Variants in ABCB5 observed in about 807,000 individuals in gnomAD.
The protein encoded by ABCB5 is ATP binding cassette subfamily B member 5.
In ABCB5, 155 loss-of-function variants were observed where a neutral mutation model predicts 144.2. That is an observed-to-expected ratio of 1.08 (90% CI 0.94 to 1.23). The LOEUF (loss-of-function observed/expected upper bound fraction) is 1.23. ABCB5 is among the 50% of genes most tolerant of loss of function. The pLI is 0.00. For missense variants in ABCB5, 1,830 were observed against 1,520.8 expected (o/e 1.20, Z -3.38); for synonymous variants, 610 against 528.6 (o/e 1.15, Z -2.11).
At chr7:20,673,013 T>C (rs1785498105) in intron 14 of ABCB5, among the ~76,000 whole-genome samples, 1 of 152,190 alleles carries the variant, frequency 6.6e-6, no homozygotes. Flanking sequence ...TTTTCTTGTT[T>C]CTTAAGTTAC....
At chr7:20,656,749 G>A (rs141452760) in intron 13 of ABCB5, among the ~76,000 whole-genome samples, 1 of 151,738 alleles carries the variant, frequency 6.6e-6, no homozygotes, top group Non-Finnish European at 1.5e-5. Context: ...TCTATTCCTA[G>A]GTATTTATTC....
chr7:20,727,386 C>T (rs1238162171), intron 22 of ABCB5, among the ~76,000 whole-genome samples: 2 of 152,172 alleles, frequency 1.3e-5, no homozygotes, highest in Non-Finnish European at 2.9e-5. Flanking sequence ...TAAGTATGCA[C>T]ATTTTTCTTA....
chr7:20,638,604 T>C (rs1784214964), intron 5 of ABCB5, among the ~76,000 whole-genome samples: 1 of 152,232 alleles, frequency 6.6e-6, no homozygotes, highest in East Asian at 1.9e-4. Context: ...CATGGAAATA[T>C]ATAATATGTA....
intron 13 of ABCB5, among the ~76,000 whole-genome samples, chr7:20,652,146 A>T (rs778829037): frequency 6.6e-6 from 1 of 152,244 alleles, no homozygotes; most frequent in Non-Finnish European, 1.5e-5. Flanking sequence ...TAAAATGTTT[A>T]TTTGCGAGGC....
intron 9 of ABCB5, among the ~76,000 whole-genome samples, chr7:20,647,028 T>A (rs1239157929): frequency 6.6e-6 from 1 of 152,220 alleles, no homozygotes; most frequent in Non-Finnish European, 1.5e-5. Flanking sequence ...TTATTTGACT[T>A]TTTGCAGAGA....
At chr7:20,628,917 G>A in intron 4 of ABCB5, 79 bp downstream of exon 4, 1 of 1,458,308 alleles carries the variant, frequency 6.9e-7, no homozygotes, top group East Asian at 2.3e-5. Flanking sequence ...AGCTAGCAAG[G>A]CAGATTATTG....
chr7:20,616,179 G>A (rs1001747772), intron 1 of ABCB5, among the ~76,000 whole-genome samples: 4 of 152,192 alleles, frequency 2.6e-5, no homozygotes, highest in Non-Finnish European at 4.4e-5. Context: ...GGGATTGCAG[G>A]TGCCCAGCAC....
intron 16 of ABCB5, among the ~76,000 whole-genome samples, chr7:20,687,378 C>T (rs1358933758): frequency 6.6e-6 from 1 of 152,200 alleles, no homozygotes; most frequent in Admixed American, 6.5e-5. Context: ...ACGTGCTCCA[C>T]ACATGGAAAC....
intron 20 of ABCB5, among the ~76,000 whole-genome samples, chr7:20,710,059 TAA>T (rs111972230): frequency 7.9e-6 from 1 of 126,392 alleles, no homozygotes; most frequent in African/African-American, 2.9e-5. Flanking sequence ...AGCAAGACTC[TAA>T]AAAAAAAAAA....
chr7:20,630,638 G>T (rs1037487655), intron 4 of ABCB5, among the ~76,000 whole-genome samples: 5 of 152,080 alleles, frequency 3.3e-5, no homozygotes, highest in Non-Finnish European at 7.4e-5. Flanking sequence ...TAAACAAATG[G>T]AGCCAATTCA....
At chr7:20,753,745 C>G (rs1022863803) in intron 27 of ABCB5, among the ~76,000 whole-genome samples, 1 of 152,116 alleles carries the variant, frequency 6.6e-6, no homozygotes, top group Non-Finnish European at 1.5e-5. Flanking sequence ...TCAAATTTGT[C>G]TCATTATCAA....
At chr7:20,666,641 C>T in intron 14 of ABCB5, 1 of 1,303,758 alleles carries the variant, frequency 7.7e-7, no homozygotes, top group Non-Finnish European at 1.0e-6. Flanking sequence ...AAGTAGAGAC[C>T]TGTCTTCCTG....
At chr7:20,722,086 G>C (rs916045103) in intron 20 of ABCB5, among the ~76,000 whole-genome samples, 31 of 152,158 alleles carry the variant, frequency 2.0e-4, no homozygotes, top group Non-Finnish European at 5.9e-5. Context: ...AGTAAAAAAT[G>C]CTTAACTAAA....
intron 16 of ABCB5, 89 bp from the exon 17 acceptor site, chr7:20,698,318 C>G: frequency 1.7e-6 from 2 of 1,150,906 alleles, no homozygotes; most frequent in Non-Finnish European, 2.4e-6. Flanking sequence ...TGATGTTATA[C>G]ATTATAATTC....
chr7:20,719,207 CTG>C (rs1781781849), intron 20 of ABCB5, among the ~76,000 whole-genome samples: 1 of 151,972 alleles, frequency 6.6e-6, no homozygotes, highest in Admixed American at 6.6e-5. Flanking sequence ...GTGGTCAATT[CTG>C]TCTTTCCAGG....
chr7:20,738,556 C>T (rs1782460606), intron 23 of ABCB5, among the ~76,000 whole-genome samples: 1 of 152,184 alleles, frequency 6.6e-6, no homozygotes, highest in African/African-American at 2.4e-5. Context: ...GTCCTAACTA[C>T]ATTATATGCA....
chr7:20,704,920 A>G (rs2158855), intron 20 of ABCB5, 113 bp downstream of exon 20: 3 of 731,066 alleles, frequency 4.1e-6, no homozygotes, highest in South Asian at 4.4e-5. Context: ...CACATCATTA[A>G]TGAGGCCAGG....
chr7:20,651,308 T>C (rs1784575934), intron 12 of ABCB5, 112 bp from the exon 13 acceptor site: 1 of 972,748 alleles, frequency 1.0e-6, no homozygotes, highest in African/African-American at 1.6e-5. Flanking sequence ...ATAGTCAGTC[T>C]TTGATTTCTA....
chr7:20,751,300 G>A (rs1447283051), intron 26 of ABCB5, among the ~76,000 whole-genome samples: 3 of 151,922 alleles, frequency 2.0e-5, no homozygotes, highest in East Asian at 1.9e-4. Flanking sequence ...GTGAAACCCC[G>A]TCTCTACTGA....
Sources: allele counts gnomAD v4.1 joint callset (sites outside exome capture counted in the v4.1 genomes callset), GRCh38; gene constraint gnomAD v4.1.1; transcripts MANE v1.5; gene names NCBI Gene and HGNC (gene_info 2026-07-23, HGNC 2026-07-21).